Variants in NAA60 observed in about 807,000 individuals in gnomAD.
NAA60 encodes N-alpha-acetyltransferase 60, NatF catalytic subunit, also known as N-alpha-acetyltransferase 60.
A neutral mutation model predicts 26.1 loss-of-function variants in NAA60; 8 were observed. The observed-to-expected ratio is 0.31, with a 90% confidence interval of 0.18 to 0.55. The LOEUF (loss-of-function observed/expected upper bound fraction) is 0.55, where lower values mean the gene tolerates loss of function less well. Among genes scored for constraint, NAA60 ranks in the 20% least tolerant of loss-of-function variants. The pLI is 0.93. For synonymous variants in NAA60, 131 were observed against 122.5 expected (o/e 1.07, Z -0.46); for missense variants, 290 against 311.3 (o/e 0.93, Z 0.51).
chr16:3,465,140 G>A (rs903085511), intron 2 of NAA60, among the ~76,000 whole-genome samples: 8 of 152,118 alleles, frequency 5.3e-5, no homozygotes, highest in South Asian at 2.1e-4. Context: ...GGTGGCGGGC[G>A]CCTGTAGCCC....
upstream of NAA60, chr16:3,443,613 C>T (rs576823265): frequency 4.9e-6 from 4 of 813,482 alleles, no homozygotes; most frequent in South Asian, 8.8e-5. Context: ...AACACCTTAA[C>T]CGAGGACCTG....
intron 2 of NAA60, among the ~76,000 whole-genome samples, chr16:3,464,494 TC>T (rs1232427246): frequency 6.6e-6 from 1 of 152,172 alleles, no homozygotes; most frequent in Non-Finnish European, 1.5e-5. Flanking sequence ...CTGGGCTTTC[TC>T]CTTTTAAACT....
chr16:3,484,701 A>G lies in NAA60; in HGVS notation c.575A>G (p.Asp192Gly). 1 of 1,590,104 alleles carries G rather than the reference A, an allele frequency of 6.3e-7. No homozygotes were observed. Among genetic ancestry groups the G allele is most frequent in the South Asian group, 1.1e-5 (1 of 87,330 alleles). Reference protein sequence around the residue: ...NGGHPPWTILDYIQHLGSALA... With the variant: ...NGGHPPWTILGYIQHLGSALA... ...AATCTTCCTTAACAGAGCCCCACGG[A>G]CTACATCCAGCACCTGGGCTCTGCA... The change falls in exon 7 of 8, where the codon GAC becomes GGC. Residue 192 changes from aspartate (D) to glycine (G), a missense_variant and splice_region_variant. Transcript: ENST00000407558.
intron 2 of NAA60, among the ~76,000 whole-genome samples, chr16:3,451,754 C>T (rs1555484057): frequency 1.3e-5 from 2 of 151,650 alleles, no homozygotes; most frequent in Non-Finnish European, 2.9e-5. Flanking sequence ...CTCGTCTCTA[C>T]AAAAAATGCA....
intron 3 of NAA60, among the ~76,000 whole-genome samples, chr16:3,479,174 C>T (rs1283323903): frequency 2.0e-5 from 3 of 152,078 alleles, no homozygotes; most frequent in African/African-American, 4.8e-5. Flanking sequence ...CAGGAGGCAA[C>T]GGTTGCAGTG....
chr16:3,458,239 C>G, intron 2 of NAA60: 311 of 292,168 alleles, frequency 1.1e-3, no homozygotes, highest in Middle Eastern at 1.7e-3. Context: ...GCCGAGGGGG[C>G]GGGGTAGGCG....
intron 2 of NAA60, chr16:3,450,225 G>C (rs897531622): frequency 3.3e-5 from 11 of 338,062 alleles, no homozygotes; most frequent in African/African-American, 1.9e-4. Flanking sequence ...TCTTCTGGGA[G>C]TGCTCCTGGG....
intron 2 of NAA60, among the ~76,000 whole-genome samples, chr16:3,466,064 G>A (rs1260000896): frequency 1.3e-5 from 2 of 152,176 alleles, no homozygotes; most frequent in Non-Finnish European, 2.9e-5. Flanking sequence ...GCTTCACCCA[G>A]CAGATCCGTA....
chr16:3,483,843 G>A (rs984490933), intron 6 of NAA60: 13 of 514,256 alleles, frequency 2.5e-5, no homozygotes, highest in Admixed American at 1.5e-4. Context: ...TCCGCCTGCC[G>A]CAGCCTCCCA....
At position 3,483,519 on chromosome 16, in the gene NAA60, A is replaced by T; in HGVS notation, c.494A>T (p.Tyr165Phe). ...CAGCACCACTATCTCCCCTATTACT[A>T]CTCCATTCGAGGGGTCCTCAAAGAT... ...FKQHHYLPYY[Y>F]SIRGVLKDGF... The change falls in exon 6 of 8, where the codon TAC (tyrosine) becomes TTC (phenylalanine). Residue 165 changes from tyrosine (Y) to phenylalanine (F), a missense_variant. By Grantham distance (22) the Tyr-to-Phe change is conservative. Transcript: ENST00000407558. 1 of 1,613,060 alleles carries T rather than the reference A, an allele frequency of 6.2e-7. No homozygotes were observed. Among genetic ancestry groups the T allele is most frequent in the East Asian group, 2.2e-5 (1 of 44,858 alleles).
Position 3,445,440 on chromosome 16 carries a change from A to AT in NAA60, c.-77+1615dup, listed in dbSNP as rs369173294. ...AGGTGCCCGCCACCACGTCCGGCTA[A>AT]TTTTTTTTTTTTGTATTTTTAGTAG... On this transcript the variant is annotated intron_variant, in intron 1 of 7. Coordinates refer to ENST00000407558, the MANE Select transcript of NAA60 (RefSeq NM_001083601.3). 3.7e-3 allele frequency among the ~76,000 whole-genome samples: 532 copies of AT among 144,828 alleles called. 2 individuals are homozygous for AT. The highest frequency in any genetic ancestry group is 0.011 in the African/African-American group (424 of 39,664).
chr16:3,481,698 G>C (rs1231944857), intron 4 of NAA60, among the ~76,000 whole-genome samples: 1 of 152,188 alleles, frequency 6.6e-6, no homozygotes. Context: ...CCTGTTAAGA[G>C]ATGTCAGCTG....
chr16:3,457,968 A>G (rs1041147717), intron 2 of NAA60: 2 of 984,768 alleles, frequency 2.0e-6, no homozygotes, highest in Non-Finnish European at 1.2e-6. Context: ...GGGCGGGGCC[A>G]CGTGGGGGCG....
chr16:3,482,460 C>A, intron 4 of NAA60, 42 bp from the exon 5 acceptor site: 1 of 1,500,520 alleles, frequency 6.7e-7, no homozygotes, highest in Non-Finnish European at 9.1e-7. Flanking sequence ...GAGCCGTGCA[C>A]CAGACGTGTG....
chr16:3,449,787 A>G lies in NAA60; in HGVS notation c.-7+1247A>G, dbSNP rs762951486. On this transcript the variant is annotated intron_variant, in intron 2 of 7. Transcript: ENST00000407558. ...TTGAATCGTGGGGCAGGTCTTTCCC[A>G]TGCTGTTCTCATGATAGTGAATAAG... 9.2e-5 allele frequency among the ~76,000 whole-genome samples: 14 copies of G among 152,220 alleles called. No homozygotes were observed. The East Asian group carries it at 2.7e-3, about 29-fold the overall frequency.
intron 1 of NAA60, among the ~76,000 whole-genome samples, chr16:3,446,350 T>C (rs2034552587): frequency 6.6e-6 from 1 of 151,850 alleles, no homozygotes. Context: ...GCTAACACGA[T>C]GAAACCCCAT....
At chr16:3,471,929 C>G (rs2036173547) in intron 2 of NAA60, among the ~76,000 whole-genome samples, 1 of 152,272 alleles carries the variant, frequency 6.6e-6, no homozygotes, top group Non-Finnish European at 1.5e-5. Flanking sequence ...TCTGCCTTGT[C>G]CGTCGATGTT....
intron 1 of NAA60, 70 bp from the exon 2 acceptor site, chr16:3,448,401 T>C: frequency 1.5e-6 from 2 of 1,318,422 alleles, no homozygotes; most frequent in East Asian, 5.1e-5. Context: ...CTGACACTCA[T>C]TAGCCTATGA....
chr16:3,476,398 C>G, intron 3 of NAA60, 61 bp downstream of exon 3: 1 of 1,395,486 alleles, frequency 7.2e-7, no homozygotes, highest in East Asian at 2.4e-5. Context: ...AGAAGCTGGG[C>G]GGCGGGGGTG....
Sources: gnomAD v4.1 joint callset for allele counts (sites outside exome capture counted in the v4.1 genomes callset) on GRCh38, gnomAD v4.1.1 for gene constraint, MANE v1.5 for transcripts, NCBI Gene and HGNC (gene_info 2026-07-23, HGNC 2026-07-21) for gene names.